The following OTUD7B variants were observed in gnomAD, a reference collection of about 807,000 sequenced individuals.
OTUD7B encodes OTU deubiquitinase 7B, also known as OTU domain-containing protein 7B.
In OTUD7B, 34 loss-of-function variants were observed where a neutral mutation model predicts 82.2. That is an observed-to-expected ratio of 0.41 (90% CI 0.31 to 0.55). The LOEUF (loss-of-function observed/expected upper bound fraction) is 0.55. Among genes scored for constraint, OTUD7B ranks in the 20% least tolerant of loss-of-function variants. The pLI is 0.20. For missense variants in OTUD7B, 944 were observed against 1,062.1 expected (o/e 0.89, Z 1.55); for synonymous variants, 398 against 402.7 (o/e 0.99, Z 0.14).
intron 7 of OTUD7B, among the ~76,000 whole-genome samples, chr1:149,950,998 T>TTTTTTTTTTA (rs1648199123): frequency 2.4e-3 from 1 of 424 alleles, no homozygotes; most frequent in African/African-American, 6.8e-3. Context: ...TTTTTTTTTT[T>TTTTTTTTTTA]TGTAGATGGA....
the OTUD7B span, among the ~76,000 whole-genome samples, chr1:150,028,701 G>A: frequency 2.6e-5 from 4 of 151,906 alleles, no homozygotes; most frequent in African/African-American, 7.3e-5. Flanking sequence ...ACAGGGTTTC[G>A]CTCTTGTTGC....
upstream of OTUD7B, among the ~76,000 whole-genome samples, chr1:150,013,104 C>A (rs1262067969): frequency 1.3e-5 from 2 of 152,170 alleles, no homozygotes; most frequent in Admixed American, 6.5e-5. Flanking sequence ...CTATTTCTTG[C>A]TGCTAGGTAG....
chr1:150,002,903 A>C (rs1652389068), intron 1 of OTUD7B, among the ~76,000 whole-genome samples: 1 of 152,192 alleles, frequency 6.6e-6, no homozygotes, highest in Admixed American at 6.5e-5. Flanking sequence ...CCACTGACAT[A>C]ATCTTTCTAG....
chr1:150,025,880 C>G, the OTUD7B span, among the ~76,000 whole-genome samples: 2 of 152,174 alleles, frequency 1.3e-5, no homozygotes, highest in African/African-American at 4.8e-5. Context: ...TGGTCAGGTG[C>G]TCTGTTCATA....
the OTUD7B span, among the ~76,000 whole-genome samples, chr1:150,057,456 C>G: frequency 1.3e-5 from 2 of 152,200 alleles, no homozygotes; most frequent in Non-Finnish European, 2.9e-5. Context: ...TCTTTATTCT[C>G]AGAGAGGCCA....
intron 1 of OTUD7B, among the ~76,000 whole-genome samples, chr1:149,990,798 C>T (rs1315471398): frequency 2.0e-5 from 3 of 152,064 alleles, no homozygotes; most frequent in Non-Finnish European, 4.4e-5. Flanking sequence ...GAGTTTGCGA[C>T]CAGCCTAACA....
chr1:149,946,779 G>A (rs1283479487), intron 11 of OTUD7B, among the ~76,000 whole-genome samples: 3 of 142,150 alleles, frequency 2.1e-5, no homozygotes. Context: ...AAGGCCAGGC[G>A]CGGTGGCTCA....
At chr1:149,973,876 G>A (rs1274754316) in intron 2 of OTUD7B, among the ~76,000 whole-genome samples, 2 of 42,618 alleles carry the variant, frequency 4.7e-5, no homozygotes, top group South Asian at 1.6e-3. Flanking sequence ...TTTTTTTTTT[G>A]AGATGGAGTC....
At chr1:149,951,001 T>TTTTTTTTTTTTTTTTTTTTTTTG (rs1388877490) in intron 7 of OTUD7B, among the ~76,000 whole-genome samples, 1 of 63,706 alleles carries the variant, frequency 1.6e-5, no homozygotes, top group Non-Finnish European at 2.7e-5. Flanking sequence ...TTTTTTTTTG[T>TTTTTTTTTTTTTTTTTTTTTTTG]AGATGGAGTC....
chr1:150,009,971 C>T (rs921177052), intron 1 of OTUD7B, among the ~76,000 whole-genome samples: 4 of 151,678 alleles, frequency 2.6e-5, no homozygotes, highest in African/African-American at 9.7e-5. Flanking sequence ...ACACACACAC[C>T]TTTTTCTCGC....
the OTUD7B span, among the ~76,000 whole-genome samples, chr1:150,031,596 C>T: frequency 4.6e-5 from 7 of 151,890 alleles, no homozygotes; most frequent in Non-Finnish European, 7.4e-5. Context: ...AAATAAAAAG[C>T]ACACACACAC....
At chr1:149,945,755 A>G (rs1250826906) in intron 11 of OTUD7B, among the ~76,000 whole-genome samples, 12 of 152,134 alleles carry the variant, frequency 7.9e-5, no homozygotes, top group African/African-American at 2.9e-4. Flanking sequence ...ACAGTCCAGA[A>G]AACCTTTCTT....
chr1:149,967,629 C>T, intron 3 of OTUD7B, 108 bp from the exon 4 acceptor site: 1 of 724,534 alleles, frequency 1.4e-6, no homozygotes, highest in Non-Finnish European at 2.1e-6. Flanking sequence ...CAGAGAAAAA[C>T]TAAGTCTAAC....
intron 1 of OTUD7B, among the ~76,000 whole-genome samples, chr1:149,984,242 G>A (rs1419100816): frequency 2.0e-5 from 3 of 151,064 alleles, no homozygotes; most frequent in African/African-American, 4.9e-5. Context: ...CTACTTCACA[G>A]AAAAAAAAAT....
At chr1:150,004,067 C>T (rs1652486764) in intron 1 of OTUD7B, among the ~76,000 whole-genome samples, 1 of 152,074 alleles carries the variant, frequency 6.6e-6, no homozygotes, top group Non-Finnish European at 1.5e-5. Context: ...CTTCATCTCC[C>T]ACATCCACCC....
chr1:150,024,003 C>T, the OTUD7B span, among the ~76,000 whole-genome samples: 1 of 152,280 alleles, frequency 6.6e-6, no homozygotes, highest in East Asian at 1.9e-4. Context: ...TAATTGGCAG[C>T]AGTACTATTA....
At position 149,944,482 on chromosome 1, in the gene OTUD7B, T is replaced by A. The variant is rs1559820955; in HGVS notation, c.1907A>T (p.Glu636Val). ...CTTCTGTTCTGCCAGGAATCTCTCC[T>A]CAGCATCAGAAAGGTAGCGCTGGAT... ...EMIQRYLSDAEERFLAEQKQK... is the reference protein window; with the variant it reads ...EMIQRYLSDAVERFLAEQKQK... Residue 636 changes from glutamate (E) to valine (V), a missense_variant, in exon 12 of 12, where the codon GAG (glutamate) becomes GTG (valine). Glu to Val is a moderately radical substitution (Grantham distance 121). Transcript: ENST00000581312. The A allele has an allele frequency of 6.2e-7, 1 of 1,614,136 alleles. No individual in the cohort carries two copies. Among genetic ancestry groups the A allele is most frequent in the South Asian group, 1.1e-5 (1 of 91,084 alleles).
chr1:149,981,315 A>G (rs1236498658), intron 1 of OTUD7B, among the ~76,000 whole-genome samples: 1 of 152,172 alleles, frequency 6.6e-6, no homozygotes, highest in Non-Finnish European at 1.5e-5. Context: ...TCTCTGACAA[A>G]TCACATAGTC....
chr1:150,015,384 C>T (rs1456607916), upstream of OTUD7B, among the ~76,000 whole-genome samples: 2 of 150,784 alleles, frequency 1.3e-5, no homozygotes, highest in African/African-American at 4.9e-5. Flanking sequence ...ACCTCCACCT[C>T]CCGGGTTCAA....
Sources: allele counts gnomAD v4.1 joint callset (sites outside exome capture counted in the v4.1 genomes callset), GRCh38; gene constraint gnomAD v4.1.1; transcripts MANE v1.5; gene names NCBI Gene and HGNC (gene_info 2026-07-23, HGNC 2026-07-21).